PRKCD: variants seen among roughly 807,000 people sequenced by gnomAD.
PRKCD encodes protein kinase C delta type.
In PRKCD, 20 loss-of-function variants were observed where a neutral mutation model predicts 82.2. The ratio of observed to expected loss-of-function variants is 0.24; its 90% CI spans 0.17 to 0.35. The LOEUF (loss-of-function observed/expected upper bound fraction) is 0.35. PRKCD is among the 10% of genes least tolerant of loss of function. The pLI is 1.00. For missense variants in PRKCD, 607 were observed against 899.0 expected, an observed-to-expected ratio of 0.68 and a Z score of 4.15; for synonymous variants, 317 against 337.0, an observed-to-expected ratio of 0.94 and a Z score of 0.65.
At chr3:53,181,862 C>T (rs1359755200) in intron 7 of PRKCD, 130 bp downstream of exon 7, 18 of 1,346,648 alleles carry the variant, frequency 1.3e-5, no homozygotes, top group Non-Finnish European at 1.9e-5. Flanking sequence ...AGTGTAGATA[C>T]AGCAGCTGAG....
At position 53,188,925 on chromosome 3, in the gene PRKCD, A is replaced by G. The variant is rs1483723721; in HGVS notation, c.1554+67A>G. ...TTGCCTCCCCACGGTGGGCCAGGGAAGGATTCCCAAGGGCAGTGATGTCCA... is the reference window on the plus strand; with the variant it reads ...TTGCCTCCCCACGGTGGGCCAGGGAGGGATTCCCAAGGGCAGTGATGTCCA... On this transcript the variant is annotated intron_variant, in intron 16 of 18. Coordinates refer to ENST00000330452, the MANE Select transcript of PRKCD (RefSeq NM_006254.4). The G allele has an allele frequency of 1.1e-5, 18 of 1,598,660 alleles. No homozygotes were observed. In the Admixed American group the frequency reaches 1.2e-4, roughly 10 times the overall value.
At chr3:53,177,752 A>G (rs80151437) in intron 2 of PRKCD, among the ~76,000 whole-genome samples, 2,377 of 151,972 alleles carry the variant, frequency 0.016, 68 homozygotes, top group African/African-American at 0.053. Flanking sequence ...GGGGTGACAG[A>G]TGCAAATGCC....
rs113708796 is a variant in PRKCD, at chr3:53,168,992, C to T, written c.-20+3777C>T. On this transcript the variant is annotated intron_variant, in intron 2 of 18. Coordinates refer to ENST00000330452, the MANE Select transcript of PRKCD (RefSeq NM_006254.4). The stretch of plus-strand genomic sequence containing the variant: ...GGCTGGAACAGGGGGACTGTCGGGC[C>T]GGGGTAGAGGATGGAGAGCAGTCAG... 8.8e-3 allele frequency among the ~76,000 whole-genome samples: 1,337 copies of T among 151,824 alleles called. 23 individuals are homozygous for T. Among genetic ancestry groups the T allele is most frequent in the African/African-American group, 0.031 (1,265 of 41,368 alleles).
chr3:53,189,255 CCTGGG>C lies in PRKCD; in HGVS notation c.1743+24_1743+28del. 6.4e-7 allele frequency: 1 copy of C among 1,565,930 alleles called. No individual in the cohort carries two copies. Among genetic ancestry groups the C allele is most frequent in the Non-Finnish European group, 8.7e-7 (1 of 1,152,308 alleles). ...AGGACATCCTGGAGAAGGTGGAGGC[CCTGGG>C]CTGGGCTGGGCTGGTCTGGGCTGGG... On this transcript the variant is annotated intron_variant, in intron 17 of 18. Transcript: ENST00000330452.
Position 53,179,762 on chromosome 3 carries a change from A to C in PRKCD, c.301A>C (p.Lys101Gln), listed in dbSNP as rs781979810. 1 of 1,565,906 alleles carries C rather than the reference A, an allele frequency of 6.4e-7. No homozygotes were observed. Among genetic ancestry groups the C allele is most frequent in the Non-Finnish European group, 8.7e-7 (1 of 1,154,164 alleles). Residue 101 changes from lysine to glutamine, a missense_variant, in exon 4 of 19, where the codon AAG (lysine) becomes CAG (glutamine). By Grantham distance (53) the Lys-to-Gln change is moderately conservative. Around this residue, in one of 5 missense-constraint regions of PRKCD, gnomAD observed 161 missense variants for 227.0 expected, o/e 0.71. Coordinates refer to ENST00000330452, the MANE Select transcript of PRKCD (RefSeq NM_006254.4). ...CGAGCGCTGCAAGAAGAACAATGGCAAGGCTGAGTTCTGGGTAAGGGGCGC... is the reference window on the plus strand; with the variant it reads ...CGAGCGCTGCAAGAAGAACAATGGCCAGGCTGAGTTCTGGGTAAGGGGCGC... ...LAERCKKNNG[K>Q]AEFWLDLQPQ...
chr3:53,184,927 G>A lies in PRKCD; in HGVS notation c.841G>A (p.Gly281Ser), dbSNP rs1703615994. 3 of 1,614,048 alleles carry A rather than the reference G, an allele frequency of 1.9e-6. No homozygotes were observed. Among genetic ancestry groups the A allele is most frequent in the Non-Finnish European group, 2.5e-6 (3 of 1,179,974 alleles). ...CCGGGAGAAGGTGGCCAACCTCTGC[G>A]GCATCAACCAGAAGCTTTTGGCTGA... ...KCREKVANLC[G>S]INQKLLAEAL... The change falls in exon 10 of 19, where the codon GGC becomes AGC. Residue 281 changes from glycine (G) to serine (S), a missense_variant. Physicochemically the swap from Gly to Ser is moderately conservative, Grantham distance 56 (BLOSUM62 0). This residue lies in a region of PRKCD where 109 missense variants were observed against 155.6 expected (regional missense o/e 0.70). Transcript: ENST00000330452.
chr3:53,173,788 G>A (rs947230011), intron 2 of PRKCD, among the ~76,000 whole-genome samples: 6 of 152,132 alleles, frequency 3.9e-5, no homozygotes, highest in African/African-American at 1.4e-4. Flanking sequence ...CCCTTCCCTG[G>A]GTTTTGGAAA....
intron 2 of PRKCD, among the ~76,000 whole-genome samples, chr3:53,176,222 C>T (rs931315594): frequency 6.6e-6 from 1 of 152,194 alleles, no homozygotes; most frequent in African/African-American, 2.4e-5. Flanking sequence ...AGCTTGCACA[C>T]CCACTCTCAC....
In PRKCD at chr3:53,183,547, C is replaced by G. The variant is rs1553668274; in HGVS notation, c.753C>G (p.Leu251=). The change falls in exon 9 of 19, where the codon CTC becomes CTG. Residue 251 remains leucine, a synonymous_variant. Coordinates refer to ENST00000330452, the MANE Select transcript of PRKCD (RefSeq NM_006254.4). ...PTFCDHCGSL[L]WGLVKQGLKC... is the part of the protein sequence containing the mutation. ...TCTGTGACCACTGCGGCAGCCTGCT[C>G]TGGGGACTGGTGAAGCAGGGATTAA... 1 of 1,614,218 alleles carries G rather than the reference C, an allele frequency of 6.2e-7. No homozygotes were observed. Among genetic ancestry groups the G allele is most frequent in the South Asian group, 1.1e-5 (1 of 91,076 alleles).
intron 15 of PRKCD, among the ~76,000 whole-genome samples, chr3:53,188,059 A>G (rs1208289690): frequency 2.0e-5 from 3 of 151,924 alleles, no homozygotes; most frequent in Non-Finnish European, 4.4e-5. Flanking sequence ...ATGGTGGTGG[A>G]TGCCTGTAAT....
intron 2 of PRKCD, among the ~76,000 whole-genome samples, chr3:53,177,386 G>T (rs1703247991): frequency 6.6e-6 from 1 of 152,196 alleles, no homozygotes; most frequent in African/African-American, 2.4e-5. Flanking sequence ...AGAAGGGTCA[G>T]GCACACTGAT....
rs151199013 is a variant in PRKCD at position 53,183,179 on chromosome 3, C to T, written c.630C>T (p.Gly210=). The T allele has an allele frequency of 3.0e-5, 49 of 1,614,100 alleles. No homozygotes were observed. The highest frequency in any genetic ancestry group is 3.7e-5 in the Non-Finnish European group (44 of 1,180,036). ...CIDKIIGRCT[G]TAANSRDTIF... ...ACAAGATCATCGGCAGATGCACTGG[C>T]ACCGCGGCCAACAGCCGGGACACTA... The change falls in exon 8 of 19, where the codon GGC becomes GGT. Residue 210 remains glycine (G), a synonymous_variant. Coordinates refer to ENST00000330452, the MANE Select transcript of PRKCD (RefSeq NM_006254.4).
Position 53,185,649 on chromosome 3 carries a change from A to G in PRKCD, c.934A>G (p.Ile312Val). The G allele has an allele frequency of 2.5e-6, 4 of 1,613,096 alleles. No individual in the cohort carries two copies. The highest frequency in any genetic ancestry group is 2.5e-6 in the Non-Finnish European group (3 of 1,180,002). ...CTCAGCCTCCTCAGAGCCTGTTGGG[A>G]TATATCAGGGTTTCGAGAAGAAGAC... The part of the protein sequence containing the change: ...SDSASSEPVG[I>V]YQGFEKKTGV... The change falls in exon 11 of 19, where the codon ATA becomes GTA. Residue 312 changes from isoleucine (I) to valine (V), a missense_variant. By Grantham distance (29) the Ile-to-Val change is conservative. Coordinates refer to ENST00000330452, the MANE Select transcript of PRKCD (RefSeq NM_006254.4).
intron 13 of PRKCD, 102 bp downstream of exon 13, chr3:53,186,442 G>A (rs577508850): frequency 1.4e-6 from 2 of 1,467,104 alleles, no homozygotes; most frequent in South Asian, 1.2e-5. Flanking sequence ...GGCCACTTAA[G>A]GCAGGGCCAT....
At chr3:53,181,346 C>T in intron 5 of PRKCD, 79 bp downstream of exon 5, 1 of 1,607,532 alleles carries the variant, frequency 6.2e-7, no homozygotes, top group Non-Finnish European at 8.5e-7. Context: ...GGAAGCTGCT[C>T]CCTTCGGCAG....
chr3:53,178,498 C>T lies in PRKCD; in HGVS notation c.76C>T (p.Pro26Ser). ...SLQAEDEANQ[P>S]FCAVKMKEAL... ...GCAGGCCGAGGACGAGGCGAACCAGCCCTTCTGTGCCGTGAAGATGAAGGA... is the reference window on the plus strand; with the variant it reads ...GCAGGCCGAGGACGAGGCGAACCAGTCCTTCTGTGCCGTGAAGATGAAGGA... The change falls in exon 3 of 19, where the codon CCC becomes TCC. Residue 26 changes from proline (P) to serine (S), a missense_variant. Physicochemically the swap from Pro to Ser is moderately conservative, Grantham distance 74. Transcript: ENST00000330452. The T allele has an allele frequency of 6.2e-7, 1 of 1,613,248 alleles. No individual in the cohort carries two copies. Among genetic ancestry groups the T allele is most frequent in the Non-Finnish European group, 8.5e-7 (1 of 1,179,880 alleles).
At chr3:53,185,107 A>C (rs1703624164) in intron 10 of PRKCD, 133 bp downstream of exon 10, 1 of 765,698 alleles carries the variant, frequency 1.3e-6, no homozygotes, top group African/African-American at 1.8e-5. Flanking sequence ...GGAAGATGCA[A>C]CTCAAGAATT....
chr3:53,180,246 G>T (rs572469798), intron 4 of PRKCD, among the ~76,000 whole-genome samples: 2 of 152,358 alleles, frequency 1.3e-5, no homozygotes, highest in South Asian at 2.1e-4. Context: ...AGGCCACCAG[G>T]CCTCCTTCCC....
At chr3:53,168,292 G>C (rs1428054041) in intron 2 of PRKCD, among the ~76,000 whole-genome samples, 4 of 152,248 alleles carry the variant, frequency 2.6e-5, no homozygotes, top group Admixed American at 6.5e-5. Context: ...GCAGGGCCCA[G>C]CCTGTCCCAG....
Sources: allele counts gnomAD v4.1 joint callset (sites outside exome capture counted in the v4.1 genomes callset), GRCh38; gene constraint gnomAD v4.1.1; regional missense constraint gnomAD v4.1.1; transcripts MANE v1.5; gene names NCBI Gene and HGNC (gene_info 2026-07-23, HGNC 2026-07-21).